KIZ: variants seen among roughly 807,000 people sequenced by gnomAD.
The protein encoded by KIZ is centrosomal protein kizuna.
In KIZ, 68 loss-of-function variants were observed where a neutral mutation model predicts 79.6. The ratio of observed to expected loss-of-function variants is 0.85; its 90% CI spans 0.70 to 1.05. The LOEUF is 1.05. Among genes scored for constraint, KIZ ranks in the 50% least tolerant of loss-of-function variants. KIZ has a pLI of 0.00. For synonymous variants in KIZ, 280 were observed against 281.8 expected (o/e 0.99, Z 0.06); for missense variants, 797 against 800.4 (o/e 1.00, Z 0.05).
At chr20:21,217,891 A>G (rs1381695653) in intron 9 of KIZ, among the ~76,000 whole-genome samples, 3 of 152,208 alleles carry the variant, frequency 2.0e-5, no homozygotes, top group Non-Finnish European at 2.9e-5. Context: ...GAACATAAGT[A>G]GAGAGAATGA....
intron 6 of KIZ, among the ~76,000 whole-genome samples, chr20:21,183,718 T>C (rs2034755844): frequency 6.6e-6 from 1 of 152,194 alleles, no homozygotes; most frequent in Non-Finnish European, 1.5e-5. Context: ...TTTAACCCTT[T>C]TTAAAGTGTA....
intron 6 of KIZ, chr20:21,195,501 G>A (rs1292002398): frequency 6.6e-6 from 1 of 152,258 alleles, no homozygotes; most frequent in Non-Finnish European, 1.5e-5. Flanking sequence ...CCAGTTTCCA[G>A]TACTGCACAG....
chr20:21,214,541 GCAT>G lies in KIZ; in HGVS notation c.1454_1456del (p.Ala485_Leu486delinsVal), dbSNP rs1568984324. 6.2e-7 allele frequency: 1 copy of G among 1,612,614 alleles called. No homozygotes were observed. Among genetic ancestry groups the G allele is most frequent in the Non-Finnish European group, 8.5e-7 (1 of 1,178,964 alleles). ...TTTTTTTGAAACACTGTAGGCAACAGCATTATTGAGAAAAGCCCTTACAGAAGA... is the reference window on the plus strand; with the variant it reads ...TTTTTTTGAAACACTGTAGGCAACAGTATTGAGAAAAGCCCTTACAGAAGA... On this transcript the variant is annotated inframe_deletion, in exon 8 of 13. Coordinates refer to ENST00000619189, the MANE Select transcript of KIZ (RefSeq NM_018474.6).
chr20:21,155,488 CAG>C (rs1278310119), intron 4 of KIZ, among the ~76,000 whole-genome samples: 2 of 152,056 alleles, frequency 1.3e-5, no homozygotes, highest in East Asian at 1.9e-4. Context: ...TTTTTACAAA[CAG>C]AAAGTAGATT....
At chr20:21,125,988 C>G, upstream of KIZ, 1 of 1,307,060 alleles carries the variant, frequency 7.7e-7, no homozygotes, top group South Asian at 2.0e-5. Context: ...CCCACGGCGT[C>G]TTGCCCCGCC....
At chr20:21,142,342 T>C (rs2032600987) in intron 3 of KIZ, among the ~76,000 whole-genome samples, 1 of 152,100 alleles carries the variant, frequency 6.6e-6, no homozygotes, top group South Asian at 2.1e-4. Flanking sequence ...TCTTATTATT[T>C]CAATGCTCTC....
chr20:21,217,744 G>A (rs1167240436), intron 9 of KIZ, among the ~76,000 whole-genome samples: 1 of 152,140 alleles, frequency 6.6e-6, no homozygotes, highest in East Asian at 1.9e-4. Context: ...GCAGATACTA[G>A]ACACTCAATT....
chr20:21,237,646 T>G (rs563982166), intron 11 of KIZ, among the ~76,000 whole-genome samples: 1 of 152,290 alleles, frequency 6.6e-6, no homozygotes, highest in Admixed American at 6.5e-5. Flanking sequence ...TGCCCCACTC[T>G]TTTACCTGGT....
chr20:21,140,315 G>A (rs2032443869), intron 3 of KIZ, among the ~76,000 whole-genome samples: 1 of 152,178 alleles, frequency 6.6e-6, no homozygotes, highest in Admixed American at 6.5e-5. Flanking sequence ...CACAGGTATT[G>A]CACCTTGAAC....
chr20:21,221,008 G>A (rs1245081277), intron 9 of KIZ, among the ~76,000 whole-genome samples: 1 of 152,080 alleles, frequency 6.6e-6, no homozygotes, highest in Admixed American at 6.5e-5. Context: ...TATAAAGTGG[G>A]GCAAACCTGA....
chr20:21,154,120 T>C (rs2033255309), intron 4 of KIZ: 1 of 152,212 alleles, frequency 6.6e-6, no homozygotes, highest in Non-Finnish European at 1.5e-5. Context: ...AATTGTACCA[T>C]GTGAGAAGCT....
At chr20:21,179,050 C>G (rs932031090) in intron 6 of KIZ, among the ~76,000 whole-genome samples, 1 of 151,776 alleles carries the variant, frequency 6.6e-6, no homozygotes, top group East Asian at 1.9e-4. Flanking sequence ...GGTATCTTTG[C>G]CTGGGTTTGG....
chr20:21,171,939 C>T (rs2034224234), intron 6 of KIZ, among the ~76,000 whole-genome samples: 1 of 152,198 alleles, frequency 6.6e-6, no homozygotes, highest in Non-Finnish European at 1.5e-5. Context: ...TTCCAGTCGT[C>T]CCCACCAAGG....
At chr20:21,228,344 A>G (rs2036721136) in intron 9 of KIZ, among the ~76,000 whole-genome samples, 1 of 152,120 alleles carries the variant, frequency 6.6e-6, no homozygotes, top group South Asian at 2.1e-4. Flanking sequence ...TGTTTTTCCC[A>G]ACAGTCTTCC....
chr20:21,143,064 T>A (rs1390873105), intron 3 of KIZ, among the ~76,000 whole-genome samples: 1 of 152,078 alleles, frequency 6.6e-6, no homozygotes, highest in Non-Finnish European at 1.5e-5. Flanking sequence ...CGTTCCCCCA[T>A]ATCTTTGGTA....
At chr20:21,172,780 C>T (rs1003304632) in intron 6 of KIZ, among the ~76,000 whole-genome samples, 1 of 152,102 alleles carries the variant, frequency 6.6e-6, no homozygotes, top group Non-Finnish European at 1.5e-5. Context: ...CTTCTCTATC[C>T]ACTTAACCTC....
chr20:21,138,916 CTTTCAACCTCTT>C (rs2032350678), intron 3 of KIZ: 1 of 128,670 alleles, frequency 7.8e-6, no homozygotes, highest in Non-Finnish European at 1.7e-5. Context: ...CCTTTTCTTT[CTTTCAACCTCTT>C]TTTTTTTTTT....
At chr20:21,158,743 TG>T (rs2033508687) in intron 4 of KIZ, 1 of 152,144 alleles carries the variant, frequency 6.6e-6, no homozygotes, top group Non-Finnish European at 1.5e-5. Flanking sequence ...TCTATCCTCC[TG>T]GATCTTCCTG....
chr20:21,226,027 G>A (rs1175676801), intron 9 of KIZ: 1 of 152,116 alleles, frequency 6.6e-6, no homozygotes, highest in African/African-American at 2.4e-5. Flanking sequence ...AAGTGTTCTT[G>A]TACCACTTTC....
Sources: gnomAD v4.1 joint callset for allele counts (sites outside exome capture counted in the v4.1 genomes callset) on GRCh38, gnomAD v4.1.1 for gene constraint, MANE v1.5 for transcripts, NCBI Gene and HGNC (gene_info 2026-07-23, HGNC 2026-07-21) for gene names.